Variants in SRGAP2B observed in about 807,000 individuals in gnomAD.
SRGAP2B encodes SLIT-ROBO Rho GTPase-activating protein 2B.
A neutral mutation model predicts 22.2 loss-of-function variants in SRGAP2B; 9 were observed. The ratio of observed to expected loss-of-function variants is 0.41; its 90% CI spans 0.24 to 0.71. The LOEUF (loss-of-function observed/expected upper bound fraction) is 0.71. Ranked by LOEUF, SRGAP2B falls within the 30% of genes least tolerant of loss-of-function variation. The probability of loss-of-function intolerance (pLI) is 0.35; values close to 1 mark genes in which losing one functional copy is unlikely to be tolerated. For synonymous variants in SRGAP2B, 36 were observed against 87.4 expected, an observed-to-expected ratio of 0.41 and a Z score of 3.28; for missense variants, 114 against 235.8, an observed-to-expected ratio of 0.48 and a Z score of 3.38.
At chr1:144,998,947 T>C (rs1670912712) in intron 2 of SRGAP2B, among the ~76,000 whole-genome samples, 1 of 150,980 alleles carries the variant, frequency 6.6e-6, no homozygotes, top group East Asian at 1.9e-4. Context: ...TCCTGGGCCA[T>C]GTGCCCAGGC....
intron 3 of SRGAP2B, among the ~76,000 whole-genome samples, chr1:144,993,414 A>C (rs1410915062): frequency 6.6e-6 from 1 of 150,708 alleles, no homozygotes; most frequent in Non-Finnish European, 1.5e-5. Context: ...TCAAAAACAT[A>C]GATGGGCTGG....
chr1:144,971,292 G>A (rs1440223052), intron 3 of SRGAP2B, among the ~76,000 whole-genome samples: 7 of 148,768 alleles, frequency 4.7e-5, no homozygotes, highest in South Asian at 2.1e-4. Context: ...CACCACGCTC[G>A]GCTAATTTTG....
At chr1:145,030,125 C>T (rs1648099817) in intron 2 of SRGAP2B, among the ~76,000 whole-genome samples, 1 of 148,714 alleles carries the variant, frequency 6.7e-6, no homozygotes, top group African/African-American at 2.6e-5. Flanking sequence ...TTCTTACTCT[C>T]CTACTATCTG....
chr1:144,971,420 C>A (rs1254612875), intron 3 of SRGAP2B, among the ~76,000 whole-genome samples: 2 of 150,334 alleles, frequency 1.3e-5, no homozygotes, highest in Non-Finnish European at 2.9e-5. Flanking sequence ...TGTGAACCAC[C>A]GCACCCGGCC....
chr1:145,016,872 G>A (rs1275202544), intron 2 of SRGAP2B, among the ~76,000 whole-genome samples: 4 of 147,972 alleles, frequency 2.7e-5, no homozygotes, highest in African/African-American at 2.5e-5. Context: ...TTTTTGAGAC[G>A]GAGTCTCACT....
At chr1:144,971,429 C>T (rs1441434651) in intron 3 of SRGAP2B, among the ~76,000 whole-genome samples, 1 of 150,324 alleles carries the variant, frequency 6.7e-6, no homozygotes, top group African/African-American at 2.5e-5. Context: ...CCGCACCCGG[C>T]CCATACTTTT....
At chr1:144,941,850 C>T (rs1356283056) in intron 4 of SRGAP2B, among the ~76,000 whole-genome samples, 1 of 149,506 alleles carries the variant, frequency 6.7e-6, no homozygotes, top group African/African-American at 2.6e-5. Context: ...ATCAGAATAG[C>T]ACAATGGAAA....
chr1:145,058,617 C>CTTTT (rs1158243067), intron 2 of SRGAP2B, among the ~76,000 whole-genome samples: 6 of 48,308 alleles, frequency 1.2e-4, no homozygotes, highest in East Asian at 5.8e-4. Context: ...CAGTCAATGT[C>CTTTT]TTTTTTTTTT....
At chr1:144,955,519 T>C (rs782665162) in exon 4 of SRGAP2B, 1 of 1,049,556 alleles carries the variant, frequency 9.5e-7, no homozygotes, top group African/African-American at 1.7e-5. Flanking sequence ...TCACTCAGGG[T>C]GGTATGGTCC....
chr1:144,996,246 GAA>G (rs1265098882), intron 2 of SRGAP2B, among the ~76,000 whole-genome samples: 8 of 150,078 alleles, frequency 5.3e-5, no homozygotes, highest in African/African-American at 2.0e-4. Context: ...GTATCCTGCT[GAA>G]GTTATGTCCC....
At chr1:144,970,054 G>C (rs1258471183) in intron 3 of SRGAP2B, among the ~76,000 whole-genome samples, 1 of 149,702 alleles carries the variant, frequency 6.7e-6, no homozygotes, top group Non-Finnish European at 1.5e-5. Flanking sequence ...TGGTGGGACT[G>C]TAAACTAGTT....
intron 4 of SRGAP2B, among the ~76,000 whole-genome samples, chr1:144,925,795 G>GAAAGA (rs1439935714): frequency 8.4e-5 from 6 of 71,256 alleles, no homozygotes; most frequent in South Asian, 3.9e-4. Flanking sequence ...AAGAAAGAAA[G>GAAAGA]GAGAGAGAAA....
At chr1:144,989,083 G>A (rs1321185908) in intron 3 of SRGAP2B, among the ~76,000 whole-genome samples, 3 of 106,266 alleles carry the variant, frequency 2.8e-5, no homozygotes, top group Non-Finnish European at 3.4e-5. Context: ...TGTTTTCCTC[G>A]TGTCTCTCTC....
chr1:144,999,543 CAA>C (rs142401062), intron 2 of SRGAP2B, among the ~76,000 whole-genome samples: 2 of 145,270 alleles, frequency 1.4e-5, no homozygotes, highest in Non-Finnish European at 3.0e-5. Flanking sequence ...CAAGAGAACA[CAA>C]AAAGTCTTAT....
intron 2 of SRGAP2B, among the ~76,000 whole-genome samples, chr1:145,073,115 T>G (rs1293460365): frequency 1.3e-5 from 2 of 150,452 alleles, no homozygotes; most frequent in African/African-American, 5.0e-5. Flanking sequence ...TATTAATTCC[T>G]GCACACAAAC....
chr1:145,013,767 T>C (rs1558828851), intron 2 of SRGAP2B, among the ~76,000 whole-genome samples: 1 of 150,204 alleles, frequency 6.7e-6, no homozygotes, highest in Non-Finnish European at 1.5e-5. Flanking sequence ...TTTTAAAAAA[T>C]CAACAACCTT....
At chr1:145,013,729 G>T (rs1287954776) in intron 2 of SRGAP2B, among the ~76,000 whole-genome samples, 2 of 148,964 alleles carry the variant, frequency 1.3e-5, no homozygotes, top group Non-Finnish European at 3.0e-5. Flanking sequence ...ACTGCTAACC[G>T]CAATCATGGC....
intron 2 of SRGAP2B, among the ~76,000 whole-genome samples, chr1:145,063,766 A>G (rs1196221261): frequency 3.4e-5 from 5 of 148,014 alleles, no homozygotes; most frequent in Admixed American, 3.4e-4. Flanking sequence ...TCCCAAACCC[A>G]TGTATACATG....
chr1:145,025,921 G>C (rs2102299939), intron 2 of SRGAP2B, among the ~76,000 whole-genome samples: 1 of 150,490 alleles, frequency 6.6e-6, no homozygotes, highest in Non-Finnish European at 1.5e-5. Context: ...GCAATGGTCT[G>C]GGGGTACCTA....
Sources: gnomAD v4.1 joint callset for allele counts (sites outside exome capture counted in the v4.1 genomes callset) on GRCh38, gnomAD v4.1.1 for gene constraint, MANE v1.5 for transcripts, NCBI Gene and HGNC (gene_info 2026-07-23, HGNC 2026-07-21) for gene names.